The following KDM4C variants were observed in gnomAD, a reference collection of about 807,000 sequenced individuals.
The protein encoded by KDM4C is lysine-specific demethylase 4C.
KDM4C carries 81 observed loss-of-function variants against 129.3 expected under a neutral mutation model. That is an observed-to-expected ratio of 0.63 (90% CI 0.52 to 0.75). KDM4C has a LOEUF of 0.75. Among genes scored for constraint, KDM4C ranks in the 30% least tolerant of loss-of-function variants. KDM4C has a pLI of 0.00. For missense variants in KDM4C, 1,457 were observed against 1,304.0 expected (o/e 1.12, Z -1.81); for synonymous variants, 573 against 456.1 (o/e 1.26, Z -3.26).
At chr9:7,104,751 T>C (rs1441104098) in intron 18 of KDM4C, among the ~76,000 whole-genome samples, 1 of 152,234 alleles carries the variant, frequency 6.6e-6, no homozygotes, top group Non-Finnish European at 1.5e-5. Context: ...CCTGAGAGAC[T>C]TGGCCACAGG....
rs1294756215 is a variant in KDM4C, at chr9:6,758,414, G to A, written c.-18+211G>A. Reference sequence around the variant, plus strand: ...GCCGCAGGGGAGGGATGCGGGGGCCGGTGACAGCCCGCTCCGGCCCTTACC... The same window carrying A: ...GCCGCAGGGGAGGGATGCGGGGGCCAGTGACAGCCCGCTCCGGCCCTTACC... On this transcript the variant is annotated intron_variant, in intron 1 of 21. Coordinates refer to ENST00000381309, the MANE Select transcript of KDM4C (RefSeq NM_015061.6). This position sits in a 1 kb window ranked among gnomAD's most constrained non-coding sequence, Gnocchi z 4.6. 6.6e-6 allele frequency among the ~76,000 whole-genome samples: 1 copy of A among 152,216 alleles called. No individual in the cohort carries two copies. Among genetic ancestry groups the A allele is most frequent in the Non-Finnish European group, 1.5e-5 (1 of 68,030 alleles).
chr9:7,001,395 C>T (rs945372797), intron 12 of KDM4C, among the ~76,000 whole-genome samples: 1 of 152,196 alleles, frequency 6.6e-6, no homozygotes, highest in Admixed American at 6.5e-5. Flanking sequence ...ATAATGCCTT[C>T]AAGTGAGTGA....
intron 1 of KDM4C, among the ~76,000 whole-genome samples, chr9:6,760,615 G>T (rs534544792): frequency 6.6e-6 from 1 of 151,634 alleles, no homozygotes; most frequent in South Asian, 2.1e-4. Context: ...CTGTTGCCCA[G>T]GCTGGAGTGC....
At chr9:6,782,130 T>A (rs1824479190) in intron 1 of KDM4C, among the ~76,000 whole-genome samples, 1 of 152,202 alleles carries the variant, frequency 6.6e-6, no homozygotes, top group Admixed American at 6.5e-5. Flanking sequence ...GGCCTGGTTA[T>A]AAATTTTAGT....
intron 19 of KDM4C, among the ~76,000 whole-genome samples, chr9:7,158,319 ATT>A (rs150307536): frequency 0.57 from 84,938 of 147,978 alleles, 24,439 homozygotes; most frequent in Non-Finnish European, 0.6. Context: ...GGATTCATTG[ATT>A]TTTTTTTTTT....
At chr9:7,145,978 A>C (rs554757094) in intron 19 of KDM4C, among the ~76,000 whole-genome samples, 2 of 152,388 alleles carry the variant, frequency 1.3e-5, no homozygotes, top group East Asian at 3.9e-4. Flanking sequence ...TGCCCCAAAC[A>C]CAATCTGGCT....
At chr9:7,168,531 T>C (rs2130471315) in intron 20 of KDM4C, among the ~76,000 whole-genome samples, 1 of 152,332 alleles carries the variant, frequency 6.6e-6, no homozygotes, top group Admixed American at 6.5e-5. Flanking sequence ...TTTTAAAATG[T>C]TAAAAACAAT....
intron 6 of KDM4C, among the ~76,000 whole-genome samples, chr9:6,885,632 A>T (rs2130823907): frequency 6.6e-6 from 1 of 152,128 alleles, no homozygotes. Flanking sequence ...AAAAAAAAAA[A>T]AAGGCAGTTG....
chr9:6,861,782 T>C (rs1247654281), intron 5 of KDM4C, among the ~76,000 whole-genome samples: 2 of 151,806 alleles, frequency 1.3e-5, no homozygotes, highest in South Asian at 2.1e-4. Flanking sequence ...TTCTTTCTTT[T>C]TTTTTTTTCT....
Position 7,013,999 on chromosome 9 carries a change from C to G in KDM4C, c.2180C>G (p.Ala727Gly), listed in dbSNP as rs1823188416. 1 of 1,609,400 alleles carries G rather than the reference C, an allele frequency of 6.2e-7. No individual in the cohort carries two copies. Among genetic ancestry groups the G allele is most frequent in the Admixed American group, 1.7e-5 (1 of 59,382 alleles). ...SCAKCCVRVH[A>G]SCYGIPSHEI... ...GCAAAGTGCTGCGTACGGGTTCATG[C>G]AAGTAAATGGATCTATAATTCATCA... is the stretch of plus-strand genomic sequence containing the variant. The change falls in exon 14 of 22, where the codon GCA becomes GGA. Residue 727 changes from alanine to glycine, a missense_variant and splice_region_variant. By Grantham distance (60) the Ala-to-Gly change is moderately conservative. Transcript: ENST00000381309.
chr9:6,861,049 A>C (rs1302040909), intron 5 of KDM4C, among the ~76,000 whole-genome samples: 1 of 152,204 alleles, frequency 6.6e-6, no homozygotes, highest in Non-Finnish European at 1.5e-5. Context: ...ACTTTTACCC[A>C]AGGCACAGGC....
chr9:7,115,044 A>G (rs1838745679), intron 18 of KDM4C, among the ~76,000 whole-genome samples: 1 of 152,158 alleles, frequency 6.6e-6, no homozygotes, highest in South Asian at 2.1e-4. Flanking sequence ...GCGCCACTGC[A>G]CTGCAATACA....
intron 1 of KDM4C, among the ~76,000 whole-genome samples, chr9:6,722,981 G>C (rs1817005830): frequency 6.6e-6 from 1 of 151,638 alleles, no homozygotes; most frequent in Non-Finnish European, 1.5e-5. Flanking sequence ...ATACACGACA[G>C]AGCAATACAC....
intron 3 of KDM4C, among the ~76,000 whole-genome samples, chr9:6,809,718 G>A: frequency 6.6e-6 from 1 of 152,268 alleles, no homozygotes; most frequent in South Asian, 2.1e-4. Context: ...TCAAAAATAG[G>A]CTGGTTGTGG....
intron 19 of KDM4C, among the ~76,000 whole-genome samples, chr9:7,153,679 G>A (rs1009869773): frequency 1.3e-5 from 2 of 152,122 alleles, no homozygotes; most frequent in African/African-American, 2.4e-5. Context: ...GCAAACTAGC[G>A]GTTACTTATC....
intron 1 of KDM4C, among the ~76,000 whole-genome samples, chr9:6,747,563 T>C (rs1487200297): frequency 7.2e-6 from 1 of 138,170 alleles, no homozygotes; most frequent in Non-Finnish European, 1.6e-5. Context: ...AAAAAAAGAA[T>C]ATAGAAATAC....
intron 12 of KDM4C, among the ~76,000 whole-genome samples, chr9:7,005,861 T>C (rs943505036): frequency 2.6e-5 from 4 of 152,222 alleles, no homozygotes; most frequent in Non-Finnish European, 5.9e-5. Context: ...ATAGACTGCA[T>C]GAATGAAGCA....
intron 4 of KDM4C, among the ~76,000 whole-genome samples, chr9:6,838,024 C>G (rs1383705513): frequency 6.6e-6 from 1 of 152,196 alleles, no homozygotes; most frequent in Admixed American, 6.5e-5. Context: ...TTCTGGTTAA[C>G]TACTTTTTTT....
chr9:7,105,912 A>G (rs766194208), intron 18 of KDM4C, among the ~76,000 whole-genome samples: 78 of 152,346 alleles, frequency 5.1e-4, no homozygotes, highest in Non-Finnish European at 5.0e-4. Flanking sequence ...ACTGTCTCCT[A>G]CAGATCCACT....
Sources: gnomAD v4.1 joint callset for allele counts (sites outside exome capture counted in the v4.1 genomes callset) on GRCh38, gnomAD v4.1.1 for gene constraint, Gnocchi (gnomAD v3.1) non-coding constraint, MANE v1.5 for transcripts, NCBI Gene and HGNC (gene_info 2026-07-23, HGNC 2026-07-21) for gene names.